Variants in MTUS1 observed in about 807,000 individuals in gnomAD.
MTUS1 encodes the protein microtubule-associated tumor suppressor 1.
Under a neutral mutation model 120.8 loss-of-function variants are expected in MTUS1, and 109 were observed. The ratio of observed to expected loss-of-function variants is 0.90; its 90% CI spans 0.77 to 1.06. The LOEUF is 1.06. Among genes scored for constraint, MTUS1 ranks in the 50% least tolerant of loss-of-function variants. The probability of loss-of-function intolerance (pLI) is 0.00; values close to 1 mark genes in which losing one functional copy is unlikely to be tolerated. For synonymous variants in MTUS1, 737 were observed against 550.5 expected, an observed-to-expected ratio of 1.34 and a Z score of -4.74; for missense variants, 2,210 against 1,486.3, an observed-to-expected ratio of 1.49 and a Z score of -8.01.
intron 7 of MTUS1, chr8:17,676,015 T>A (rs1813028833): frequency 3.9e-6 from 2 of 516,280 alleles, no homozygotes; most frequent in South Asian, 4.8e-5. Context: ...ATACAGTTCC[T>A]TAAAAGGTAG....
At chr8:17,767,698 C>T (rs1480218851) in intron 1 of MTUS1, among the ~76,000 whole-genome samples, 2 of 71,370 alleles carry the variant, frequency 2.8e-5, no homozygotes, top group African/African-American at 1.3e-4. Flanking sequence ...GACCCTGTCT[C>T]TTAAAAAAAA....
At chr8:17,774,635 T>A (rs1378706062) in intron 1 of MTUS1, among the ~76,000 whole-genome samples, 1 of 152,196 alleles carries the variant, frequency 6.6e-6, no homozygotes, top group East Asian at 1.9e-4. Context: ...CTTGCGTTGC[T>A]GGTGGAAATG....
intron 3 of MTUS1, among the ~76,000 whole-genome samples, chr8:17,740,205 C>T (rs565629840): frequency 6.9e-6 from 1 of 145,432 alleles, no homozygotes; most frequent in Admixed American, 6.8e-5. Context: ...GAGACTCCGT[C>T]TCAAAAAAAA....
intron 1 of MTUS1, among the ~76,000 whole-genome samples, chr8:17,782,647 G>A (rs1206636080): frequency 2.0e-5 from 3 of 152,152 alleles, no homozygotes; most frequent in African/African-American, 7.2e-5. Context: ...AGGCCATCAT[G>A]ACATCAAAAC....
At chr8:17,698,443 G>A (rs415088) in intron 6 of MTUS1, among the ~76,000 whole-genome samples, 24,881 of 152,108 alleles carry the variant, frequency 0.16, 2,237 homozygotes, top group East Asian at 0.3. Context: ...ACAACAATAT[G>A]CCCACTTAAG....
At position 17,713,217 on chromosome 8, in the gene MTUS1, C is replaced by A. The variant is rs371914626; in HGVS notation, c.2620G>T (p.Ala874Ser). Residue 874 changes from alanine to serine, a missense_variant, in exon 6 of 15, where the codon GCA (alanine) becomes TCA (serine). Coordinates refer to ENST00000693296, the MANE Select transcript of MTUS1 (RefSeq NM_001363059.2). ...SRKNLFTALNAVEKSRQKNPR... is the reference protein window; with the variant it reads ...SRKNLFTALNSVEKSRQKNPR... ...CATCCATAAAGTGGTCACTCACCTGCATTAAGAGCTGTAAATAAATTTTTT... is the reference window on the plus strand; with the variant it reads ...CATCCATAAAGTGGTCACTCACCTGAATTAAGAGCTGTAAATAAATTTTTT... The A allele has an allele frequency of 2.4e-5, 38 of 1,596,262 alleles. No individual in the cohort carries two copies. The African/African-American group carries it at 4.7e-4, about 20-fold the overall frequency.
chr8:17,781,442 G>A (rs1229563964), intron 1 of MTUS1, among the ~76,000 whole-genome samples: 1 of 152,172 alleles, frequency 6.6e-6, no homozygotes, highest in Non-Finnish European at 1.5e-5. Flanking sequence ...TTCACTTTGT[G>A]TTCAAAGGCA....
At chr8:17,725,976 C>T (rs1214719740) in intron 3 of MTUS1, among the ~76,000 whole-genome samples, 1 of 152,096 alleles carries the variant, frequency 6.6e-6, no homozygotes, top group African/African-American at 2.4e-5. Context: ...TGATCCCTAC[C>T]CACTTCTTCC....
chr8:17,767,910 G>T (rs1260730625), intron 1 of MTUS1, among the ~76,000 whole-genome samples: 1 of 152,088 alleles, frequency 6.6e-6, no homozygotes, highest in Non-Finnish European at 1.5e-5. Flanking sequence ...TCCTAGTGAG[G>T]AGAGACTAGA....
chr8:17,659,171 G>A (rs1391532907), intron 8 of MTUS1, among the ~76,000 whole-genome samples: 1 of 152,058 alleles, frequency 6.6e-6, no homozygotes, highest in African/African-American at 2.4e-5. Context: ...TTCTGATTCT[G>A]CCTGCACCCA....
chr8:17,787,891 CAGGCGGATCACCTGAGTA>C (rs1262089779), intron 1 of MTUS1, among the ~76,000 whole-genome samples: 1 of 152,236 alleles, frequency 6.6e-6, no homozygotes, highest in Non-Finnish European at 1.5e-5. Context: ...GAGGCCGAGG[CAGGCGGATCACCTGAGTA>C]AGGAGTTCAA....
chr8:17,771,557 C>T (rs1272150852), intron 1 of MTUS1, among the ~76,000 whole-genome samples: 2 of 152,158 alleles, frequency 1.3e-5, no homozygotes, highest in African/African-American at 2.4e-5. Context: ...TGTTACTTTA[C>T]AAAATAGTCA....
intron 1 of MTUS1, among the ~76,000 whole-genome samples, chr8:17,782,410 A>C (rs1300396142): frequency 6.6e-6 from 1 of 152,188 alleles, no homozygotes; most frequent in African/African-American, 2.4e-5. Context: ...CTAAAACTAT[A>C]CATTATCTTC....
intron 1 of MTUS1, among the ~76,000 whole-genome samples, chr8:17,773,839 C>A (rs1354634000): frequency 8.7e-6 from 1 of 115,556 alleles, no homozygotes; most frequent in East Asian, 2.5e-4. Flanking sequence ...TCACTCCTGT[C>A]TATGTCAACC....
At position 17,646,143 on chromosome 8, in the gene MTUS1, G is replaced by T. The variant is rs757324952; in HGVS notation, c.3600-4C>A. ...AGCCTGCTCCGTGGAAAGCTGCCTT[G>T]AAGAAAAAGGCCAGAAACCATGAGA... On this transcript the variant is annotated splice_polypyrimidine_tract_variant and splice_region_variant and intron_variant, in intron 14 of 14. Coordinates refer to ENST00000693296, the MANE Select transcript of MTUS1 (RefSeq NM_001363059.2). The T allele has an allele frequency of 1.3e-6, 2 of 1,594,408 alleles. No homozygotes were observed. Among genetic ancestry groups the T allele is most frequent in the Non-Finnish European group, 1.7e-6 (2 of 1,171,898 alleles).
At chr8:17,732,544 T>A (rs770187420) in intron 3 of MTUS1, among the ~76,000 whole-genome samples, 82 of 152,178 alleles carry the variant, frequency 5.4e-4, no homozygotes, top group Non-Finnish European at 9.8e-4. Flanking sequence ...TGGCTTTAAA[T>A]ATCCTCTATA....
chr8:17,680,469 A>C lies in MTUS1; in HGVS notation c.2838+3859T>G, dbSNP rs1251100804. Among the ~76,000 whole-genome samples the C allele has an allele frequency of 5.3e-3, 89 of 16,660 alleles. 3 individuals carry two copies. The highest frequency in any genetic ancestry group is 0.02 in the East Asian group (5 of 252). 10.9% of individuals were successfully genotyped at this position (16,660 alleles called of 152,430 possible). On this transcript the variant is annotated intron_variant, in intron 7 of 14. Coordinates refer to ENST00000693296, the MANE Select transcript of MTUS1 (RefSeq NM_001363059.2). Reference sequence around the variant, plus strand: ...ACAGAGCAAGGCCACTGTCGCAAAAAAAAAAAAAAAAAAAAAAAAAAAAAA... The same window carrying C: ...ACAGAGCAAGGCCACTGTCGCAAAACAAAAAAAAAAAAAAAAAAAAAAAAA...
chr8:17,751,862 TAAAAAAAAAA>T (rs56362055), intron 2 of MTUS1, among the ~76,000 whole-genome samples: 1,029 of 96,542 alleles, frequency 0.011, 21 homozygotes, highest in African/African-American at 0.037. Context: ...GACTCTGCCT[TAAAAAAAAAA>T]AAAAAAAAAA....
At position 17,645,860 on chromosome 8, in the gene MTUS1, C is replaced by T. The variant is rs1379760862; in HGVS notation, c.*66G>A. 7 of 1,543,878 alleles carry T rather than the reference C, an allele frequency of 4.5e-6. No individual in the cohort carries two copies. In the African/African-American group the frequency reaches 9.5e-5, roughly 21 times the overall value. On this transcript the variant is annotated 3_prime_UTR_variant, in exon 15 of 15. Transcript: ENST00000693296. Reference sequence around the variant, plus strand: ...TATACCTCTTGTGCCCACGTTCCTCCTTGGGGTCAGTCCTGCAGACCTGCA... The same window carrying T: ...TATACCTCTTGTGCCCACGTTCCTCTTTGGGGTCAGTCCTGCAGACCTGCA...
Sources: allele counts gnomAD v4.1 joint callset (sites outside exome capture counted in the v4.1 genomes callset), GRCh38; gene constraint gnomAD v4.1.1; transcripts MANE v1.5; gene names NCBI Gene and HGNC (gene_info 2026-07-23, HGNC 2026-07-21).